The following ELF2 variants were observed in gnomAD, a reference collection of about 807,000 sequenced individuals.
ELF2 encodes the protein ETS-related transcription factor Elf-2.
In ELF2, 11 loss-of-function variants were observed where a neutral mutation model predicts 54.8. The ratio of observed to expected loss-of-function variants is 0.20; its 90% confidence interval spans 0.13 to 0.33. The LOEUF is 0.33. ELF2 is among the 10% of genes least tolerant of loss of function. The pLI is 1.00. For synonymous variants in ELF2, 203 were observed against 245.1 expected, an observed-to-expected ratio of 0.83 and a Z score of 1.61; for missense variants, 513 against 703.0, an observed-to-expected ratio of 0.73 and a Z score of 3.06.
chr4:139,115,230 G>T, intron 4 of ELF2: 1 of 1,610,894 alleles, frequency 6.2e-7, no homozygotes, highest in Non-Finnish European at 8.5e-7. Flanking sequence ...GCCTCACTGG[G>T]CCCTCATCGT....
At chr4:139,166,588 G>C (rs1452967360) in intron 1 of ELF2, among the ~76,000 whole-genome samples, 1 of 152,082 alleles carries the variant, frequency 6.6e-6, no homozygotes, top group East Asian at 1.9e-4. Context: ...ATGAGATTAG[G>C]CCGGGCACGG....
At chr4:139,159,148 A>G (rs558628621) in intron 1 of ELF2, among the ~76,000 whole-genome samples, 7 of 152,244 alleles carry the variant, frequency 4.6e-5, no homozygotes, top group African/African-American at 1.7e-4. Flanking sequence ...CTAGACCAAG[A>G]GGCATGTGAG....
chr4:139,065,972 A>G (rs1728636120), intron 7 of ELF2: 1 of 148,176 alleles, frequency 6.7e-6, no homozygotes, highest in African/African-American at 2.5e-5. Flanking sequence ...GCCTCTCCCA[A>G]ATTGGGTCAC....
chr4:139,172,445 C>A (rs766375167), intron 1 of ELF2, among the ~76,000 whole-genome samples: 1 of 152,168 alleles, frequency 6.6e-6, no homozygotes, highest in Non-Finnish European at 1.5e-5. Context: ...ACCATATTCA[C>A]GCTGTCTACA....
Position 139,060,382 on chromosome 4 carries a change from C to T in ELF2, c.1099G>A (p.Asp367Asn), listed in dbSNP as rs1221298767. 6.2e-6 allele frequency: 10 copies of T among 1,613,800 alleles called. No individual in the cohort carries two copies. Among genetic ancestry groups the T allele is most frequent in the African/African-American group, 4.0e-5 (3 of 74,896 alleles). ...RVVNITSPGH[D>N]ASSRSPTTTA... The stretch of plus-strand genomic sequence containing the variant: ...GTAGTAGGAGACCTGGATGAAGCAT[C>T]GTGCCCAGGGGAAGTGATATTCACA... The change falls in exon 9 of 10, where the codon GAT becomes AAT. Residue 367 changes from aspartate to asparagine, a missense_variant. Around this residue, in one of 3 missense-constraint regions of ELF2, gnomAD observed 291 missense variants for 366.1 expected, o/e 0.79. Transcript: ENST00000686138.
Position 139,071,863 on chromosome 4 carries a change from T to C in ELF2, c.526+3A>G. On this transcript the variant is annotated splice_donor_region_variant and intron_variant, in intron 6 of 9. Coordinates refer to ENST00000686138, the MANE Select transcript of ELF2 (RefSeq NM_001331036.3). ...TTCTCAGAAATGTATAAATATACTC[T>C]ACCTTTTTTCTTTTTCATTGGTTCA... 3.2e-6 allele frequency: 5 copies of C among 1,581,762 alleles called. No individual in the cohort carries two copies. Among genetic ancestry groups the C allele is most frequent in the Non-Finnish European group, 4.3e-6 (5 of 1,172,246 alleles).
chr4:139,162,295 G>T (rs534178024), intron 1 of ELF2, among the ~76,000 whole-genome samples: 158 of 152,272 alleles, frequency 1.0e-3, no homozygotes, highest in African/African-American at 2.7e-3. Context: ...GAGGAGGGCA[G>T]ATCACAAGGT....
chr4:139,177,654 G>T (rs550181048), upstream of ELF2, among the ~76,000 whole-genome samples: 6 of 152,110 alleles, frequency 3.9e-5, no homozygotes, highest in African/African-American at 1.4e-4. Context: ...CGGGGCAGGC[G>T]TGTGAGGCCG....
chr4:139,100,100 T>C (rs1464809303), intron 4 of ELF2, among the ~76,000 whole-genome samples: 1 of 152,236 alleles, frequency 6.6e-6, no homozygotes, highest in Non-Finnish European at 1.5e-5. Context: ...CAGAGTACAA[T>C]GCTTGAGCTT....
intron 4 of ELF2, among the ~76,000 whole-genome samples, chr4:139,124,750 C>T (rs1736741668): frequency 6.6e-6 from 1 of 152,060 alleles, no homozygotes; most frequent in African/African-American, 2.4e-5. Flanking sequence ...GAAAAGAAAT[C>T]TTATTGCTCC....
intron 4 of ELF2, among the ~76,000 whole-genome samples, chr4:139,124,040 T>G (rs1736661332): frequency 6.6e-6 from 1 of 151,756 alleles, no homozygotes; most frequent in Non-Finnish European, 1.5e-5. Context: ...CTTGGATGCC[T>G]GGTTTTTTGT....
intron 6 of ELF2, among the ~76,000 whole-genome samples, chr4:139,070,971 A>G (rs1056117919): frequency 2.0e-5 from 3 of 152,252 alleles, no homozygotes; most frequent in African/African-American, 7.2e-5. Context: ...AGAAAGGAGA[A>G]TTAGATGAAT....
intron 4 of ELF2, among the ~76,000 whole-genome samples, chr4:139,095,452 T>A (rs1733156132): frequency 6.6e-6 from 1 of 152,150 alleles, no homozygotes; most frequent in Non-Finnish European, 1.5e-5. Context: ...CCCAAAGTGC[T>A]GGGATTACAG....
chr4:139,134,907 T>G (rs1210121234), intron 3 of ELF2, among the ~76,000 whole-genome samples: 1 of 151,904 alleles, frequency 6.6e-6, no homozygotes, highest in Non-Finnish European at 1.5e-5. Flanking sequence ...TACTTTGAAT[T>G]TTTAAATATA....
chr4:139,168,145 T>C (rs1480513799), intron 1 of ELF2, among the ~76,000 whole-genome samples: 1 of 152,218 alleles, frequency 6.6e-6, no homozygotes, highest in Non-Finnish European at 1.5e-5. Context: ...GAAATGTCTG[T>C]GCTATTACTA....
chr4:139,086,706 C>G (rs1732023586), intron 4 of ELF2, among the ~76,000 whole-genome samples: 1 of 152,124 alleles, frequency 6.6e-6, no homozygotes, highest in Admixed American at 6.6e-5. Context: ...ATATAGAACT[C>G]CCCACCCACC....
At chr4:139,119,141 A>G (rs1190950087) in intron 4 of ELF2, among the ~76,000 whole-genome samples, 1 of 152,248 alleles carries the variant, frequency 6.6e-6, no homozygotes, top group African/African-American at 2.4e-5. Flanking sequence ...TTAATTCCTT[A>G]ATTCTATGTC....
intron 1 of ELF2, among the ~76,000 whole-genome samples, chr4:139,143,721 A>G (rs1317776861): frequency 2.0e-5 from 3 of 152,200 alleles, no homozygotes; most frequent in East Asian, 1.9e-4. Flanking sequence ...CGGAGGTTGC[A>G]GTGAGCCAAG....
chr4:139,061,450 T>C (rs527943504), intron 8 of ELF2, among the ~76,000 whole-genome samples: 60 of 152,176 alleles, frequency 3.9e-4, no homozygotes, highest in Non-Finnish European at 7.3e-4. Context: ...TCTGGCATTA[T>C]AGGCGTGAGC....
Sources: gnomAD v4.1 joint callset for allele counts (sites outside exome capture counted in the v4.1 genomes callset) on GRCh38, gnomAD v4.1.1 for gene constraint, gnomAD v4.1.1 regional missense constraint, MANE v1.5 for transcripts, NCBI Gene and HGNC (gene_info 2026-07-23, HGNC 2026-07-21) for gene names.